Variants in CENPW observed in about 807,000 individuals in gnomAD.
CENPW encodes the protein cancer-up-regulated gene 2 protein.
A neutral mutation model predicts 11.1 loss-of-function variants in CENPW; 3 were observed. The observed-to-expected ratio is 0.27, with a 90% confidence interval of 0.12 to 0.70. The LOEUF (loss-of-function observed/expected upper bound fraction) is 0.70. Among genes scored for constraint, CENPW ranks in the 30% least tolerant of loss-of-function variants. The probability of loss-of-function intolerance (pLI) is 0.77; values close to 1 mark genes in which losing one functional copy is unlikely to be tolerated. For synonymous variants in CENPW, 38 were observed against 42.0 expected (o/e 0.91, Z 0.37); for missense variants, 100 against 105.6 (o/e 0.95, Z 0.23).
the CENPW span, among the ~76,000 whole-genome samples, chr6:126,386,529 T>C: frequency 6.6e-6 from 1 of 152,106 alleles, no homozygotes; most frequent in Admixed American, 6.6e-5. Flanking sequence ...CTTTGAATTA[T>C]GTACACTGCG....
chr6:126,382,387 C>T, the CENPW span, among the ~76,000 whole-genome samples: 2 of 152,116 alleles, frequency 1.3e-5, no homozygotes, highest in Admixed American at 6.6e-5. Flanking sequence ...AGCCAGAGTT[C>T]CTTCTTTCCT....
At chr6:126,462,600 T>C in the CENPW span, among the ~76,000 whole-genome samples, 1 of 151,038 alleles carries the variant, frequency 6.6e-6, no homozygotes, top group African/African-American at 2.4e-5. Flanking sequence ...TCCATTCCTT[T>C]AACTTACATA....
the CENPW span, among the ~76,000 whole-genome samples, chr6:126,407,198 T>C: frequency 6.6e-6 from 1 of 152,222 alleles, no homozygotes; most frequent in Non-Finnish European, 1.5e-5. Flanking sequence ...AGTTTTCTGT[T>C]CCTTCATTAG....
At chr6:126,387,207 G>GTTA in the CENPW span, among the ~76,000 whole-genome samples, 1 of 151,566 alleles carries the variant, frequency 6.6e-6, no homozygotes, top group Admixed American at 6.6e-5. Flanking sequence ...TATTGTTATT[G>GTTA]TTATTATAAT....
At chr6:126,366,839 C>A in the CENPW span, among the ~76,000 whole-genome samples, 7 of 152,064 alleles carry the variant, frequency 4.6e-5, no homozygotes, top group Non-Finnish European at 1.0e-4. Flanking sequence ...GGTTGAGGGA[C>A]CTGCATCTAG....
chr6:126,433,922 A>G, the CENPW span, among the ~76,000 whole-genome samples: 39 of 152,196 alleles, frequency 2.6e-4, no homozygotes, highest in African/African-American at 8.7e-4. Flanking sequence ...TACATAATAA[A>G]TATGTTTTAT....
the CENPW span, among the ~76,000 whole-genome samples, chr6:126,409,390 G>A: frequency 1.3e-5 from 2 of 152,094 alleles, 1 homozygote; most frequent in African/African-American, 4.8e-5. Flanking sequence ...AGAAGAATGT[G>A]AATTCTTCAG....
At chr6:126,343,931 A>G (rs890736551) in intron 1 of CENPW, among the ~76,000 whole-genome samples, 7 of 152,214 alleles carry the variant, frequency 4.6e-5, no homozygotes, top group Non-Finnish European at 7.3e-5. Flanking sequence ...TAACCATCAC[A>G]GTATCCGTGG....
the CENPW span, among the ~76,000 whole-genome samples, chr6:126,364,028 T>G: frequency 6.6e-6 from 1 of 152,214 alleles, no homozygotes; most frequent in South Asian, 2.1e-4. Context: ...ACAGAGTTAA[T>G]TGTCTTGCTC....
the CENPW span, among the ~76,000 whole-genome samples, chr6:126,434,481 A>C: frequency 2.0e-5 from 3 of 152,100 alleles, no homozygotes; most frequent in East Asian, 3.8e-4. Context: ...TCTTCTTGTG[A>C]ATACTGTCTG....
At chr6:126,483,076 AC>A in the CENPW span, among the ~76,000 whole-genome samples, 1 of 151,902 alleles carries the variant, frequency 6.6e-6, no homozygotes, top group Non-Finnish European at 1.5e-5. Context: ...TAGGTAGTGG[AC>A]CCTTTTAGAT....
At chr6:126,462,575 CTCTT>C in the CENPW span, among the ~76,000 whole-genome samples, 4 of 150,740 alleles carry the variant, frequency 2.7e-5, no homozygotes, top group African/African-American at 9.7e-5. Context: ...TTCTCTTACT[CTCTT>C]TCTTGCTTTT....
the CENPW span, among the ~76,000 whole-genome samples, chr6:126,415,661 G>A: frequency 5.3e-5 from 8 of 152,258 alleles, 2 homozygotes; most frequent in Non-Finnish European, 1.5e-5. Flanking sequence ...GGTCTTTCTC[G>A]TGCTGTTCTC....
At chr6:126,460,772 G>A in the CENPW span, among the ~76,000 whole-genome samples, 28 of 151,730 alleles carry the variant, frequency 1.8e-4, no homozygotes, top group Non-Finnish European at 3.4e-4. Context: ...GTGACAAGAT[G>A]GTATCAAGGG....
At chr6:126,360,899 A>G in the CENPW span, among the ~76,000 whole-genome samples, 1 of 147,888 alleles carries the variant, frequency 6.8e-6, no homozygotes, top group Admixed American at 7.0e-5. Flanking sequence ...CAGATTCTGA[A>G]TTCTGTGTGT....
the CENPW span, among the ~76,000 whole-genome samples, chr6:126,377,965 G>A: frequency 6.6e-6 from 1 of 152,158 alleles, no homozygotes; most frequent in African/African-American, 2.4e-5. Flanking sequence ...TGATGACAAG[G>A]TAAACATTTG....
At chr6:126,465,282 T>A in the CENPW span, among the ~76,000 whole-genome samples, 1 of 152,070 alleles carries the variant, frequency 6.6e-6, no homozygotes, top group Non-Finnish European at 1.5e-5. Context: ...TACAATAGCA[T>A]CAATAAATAT....
At chr6:126,472,941 G>C in the CENPW span, among the ~76,000 whole-genome samples, 1 of 152,136 alleles carries the variant, frequency 6.6e-6, no homozygotes, top group Non-Finnish European at 1.5e-5. Flanking sequence ...AATAGAATAT[G>C]CTAATGGCAA....
At chr6:126,433,856 T>C in the CENPW span, among the ~76,000 whole-genome samples, 1 of 152,218 alleles carries the variant, frequency 6.6e-6, no homozygotes, top group South Asian at 2.1e-4. Context: ...TAGAGGATGA[T>C]GATAATTATT....
Sources: allele counts gnomAD v4.1 joint callset (sites outside exome capture counted in the v4.1 genomes callset), GRCh38; gene constraint gnomAD v4.1.1; transcripts MANE v1.5; gene names NCBI Gene and HGNC (gene_info 2026-07-23, HGNC 2026-07-21).